Variants in ATP2C2 observed in about 807,000 individuals in gnomAD.
ATP2C2 encodes the protein calcium-transporting ATPase type 2C member 2.
ATP2C2 carries 171 observed loss-of-function variants against 110.8 expected under a neutral mutation model. The ratio of observed to expected loss-of-function variants is 1.54; its 90% CI spans 1.36 to 1.75. The LOEUF is 1.75. Among genes scored for constraint, ATP2C2 ranks in the 40% most tolerant of loss-of-function variants. The probability of loss-of-function intolerance (pLI) is 0.00; values close to 1 mark genes in which losing one functional copy is unlikely to be tolerated. For missense variants in ATP2C2, 1,963 were observed against 1,235.0 expected, an observed-to-expected ratio of 1.59 and a Z score of -8.84; for synonymous variants, 804 against 508.4, an observed-to-expected ratio of 1.58 and a Z score of -7.82.
intron 2 of ATP2C2, among the ~76,000 whole-genome samples, chr16:84,403,702 T>C (rs1905500727): frequency 2.0e-5 from 3 of 152,068 alleles, no homozygotes; most frequent in African/African-American, 7.2e-5. Flanking sequence ...TCTTTTTTTT[T>C]TTCTTGAGAT....
chr16:84,398,758 T>G (rs1340755293), intron 2 of ATP2C2, 149 bp downstream of exon 2: 1 of 633,830 alleles, frequency 1.6e-6, no homozygotes, highest in Non-Finnish European at 2.6e-6. Flanking sequence ...GTTGAATGGT[T>G]CAGATTCCAC....
chr16:84,414,077 C>T (rs1906623366), intron 6 of ATP2C2, among the ~76,000 whole-genome samples: 1 of 152,126 alleles, frequency 6.6e-6, no homozygotes, highest in South Asian at 2.1e-4. Flanking sequence ...AGGGTGAGGA[C>T]AACCCTAAAT....
chr16:84,439,867 G>C (rs1909085946), intron 13 of ATP2C2, among the ~76,000 whole-genome samples: 1 of 152,140 alleles, frequency 6.6e-6, no homozygotes, highest in South Asian at 2.1e-4. Flanking sequence ...ACAGAGTCTT[G>C]CTCCGTCACC....
At position 84,459,153 on chromosome 16, in the gene ATP2C2, CA is replaced by C. The variant is rs1466844602; in HGVS notation, c.2183del (p.Asn728ThrfsTer10). The C allele has an allele frequency of 3.1e-6, 5 of 1,614,028 alleles. No individual in the cohort carries two copies. The African/African-American group carries it at 5.3e-5, about 17-fold the overall frequency. On this transcript the variant is annotated frameshift_variant, in exon 22 of 27. Coordinates refer to ENST00000262429, the MANE Select transcript of ATP2C2 (RefSeq NM_014861.4). LOFTEE classifies it high-confidence loss of function. ...TGGAGGAAGGCAAGGGTATTTTTTA[CA>C]ACATCAAAAACTTTGTCCGATTCCA... ...AVEEGKGIFY[N>X]IKNFVRFQLS...
intron 17 of ATP2C2, among the ~76,000 whole-genome samples, chr16:84,449,400 C>T (rs989137076): frequency 2.6e-5 from 4 of 152,188 alleles, no homozygotes; most frequent in Non-Finnish European, 5.9e-5. Context: ...GAGCGTTCCC[C>T]AAAGCATTGG....
intron 11 of ATP2C2, chr16:84,438,912 A>G: frequency 2.5e-6 from 1 of 401,560 alleles, no homozygotes; most frequent in Non-Finnish European, 4.5e-6. Context: ...CAGCTGACAG[A>G]CTAATTCACA....
chr16:84,435,050 AT>A (rs1248361933), intron 11 of ATP2C2, among the ~76,000 whole-genome samples: 1 of 152,252 alleles, frequency 6.6e-6, no homozygotes, highest in African/African-American at 2.4e-5. Flanking sequence ...CTTGGTTTAT[AT>A]AACTTGTCCA....
intron 7 of ATP2C2, among the ~76,000 whole-genome samples, chr16:84,418,119 A>G (rs968953284): frequency 1.3e-5 from 2 of 152,180 alleles, no homozygotes; most frequent in Admixed American, 6.5e-5. Context: ...TACCATGTCT[A>G]AAAGAAAAAG....
chr16:84,397,268 TTG>T (rs562925772), intron 1 of ATP2C2, among the ~76,000 whole-genome samples: 85 of 151,834 alleles, frequency 5.6e-4, no homozygotes, highest in Non-Finnish European at 9.0e-4. Context: ...CAGAACTTGG[TTG>T]TGTTTCCCCT....
intron 1 of ATP2C2, among the ~76,000 whole-genome samples, chr16:84,387,610 C>G (rs914879073): frequency 3.9e-5 from 6 of 152,196 alleles, no homozygotes; most frequent in African/African-American, 1.4e-4. Context: ...ACTTAGAATA[C>G]TATAGAGCAA....
chr16:84,410,259 T>C (rs75169818), intron 4 of ATP2C2, among the ~76,000 whole-genome samples: 5,656 of 152,158 alleles, frequency 0.037, 357 homozygotes, highest in African/African-American at 0.13. Context: ...GAAGGGTGTT[T>C]GCAGCATGTT....
chr16:84,449,746 G>T (rs1401172932), intron 17 of ATP2C2, among the ~76,000 whole-genome samples: 1 of 152,218 alleles, frequency 6.6e-6, no homozygotes, highest in Non-Finnish European at 1.5e-5. Flanking sequence ...TGGCACGTGG[G>T]TGGCAGCTGC....
At chr16:84,437,788 T>C (rs751322784) in intron 11 of ATP2C2, among the ~76,000 whole-genome samples, 2 of 152,232 alleles carry the variant, frequency 1.3e-5, no homozygotes. Flanking sequence ...AGTGCTGGGA[T>C]TACAGGCGTG....
chr16:84,419,325 C>T (rs1907119892), intron 7 of ATP2C2, among the ~76,000 whole-genome samples: 1 of 151,426 alleles, frequency 6.6e-6, no homozygotes. Flanking sequence ...GCCTGCATTC[C>T]TTGGCTCATG....
chr16:84,388,451 G>C lies in ATP2C2; in HGVS notation c.100-10048G>C, dbSNP rs67286180. 8.4e-3 allele frequency among the ~76,000 whole-genome samples: 1,279 copies of C among 152,296 alleles called. 8 individuals carry two copies. Among genetic ancestry groups the C allele is most frequent in the Middle Eastern group, 0.017 (5 of 294 alleles). On this transcript the variant is annotated intron_variant, in intron 1 of 26. Transcript: ENST00000262429. ...TTCTGAGGTAGTAGGCCCAGGGTAG[G>C]GCCTGAGTTTCTGCATTTCTAACAA...
intron 1 of ATP2C2, among the ~76,000 whole-genome samples, chr16:84,379,003 C>T (rs1272840432): frequency 1.3e-5 from 2 of 151,986 alleles, no homozygotes; most frequent in African/African-American, 4.8e-5. Context: ...GCAGGGTACA[C>T]ATGCAGGATG....
chr16:84,404,926 A>C, intron 2 of ATP2C2: 1 of 686,048 alleles, frequency 1.5e-6, no homozygotes, highest in South Asian at 1.5e-5. Flanking sequence ...CTGTAATTAT[A>C]ATGGTCACTG....
chr16:84,463,478 C>T (rs1449540949), intron 26 of ATP2C2, 136 bp from the exon 27 acceptor site: 2 of 718,180 alleles, frequency 2.8e-6, no homozygotes, highest in Admixed American at 2.4e-5. Flanking sequence ...GAAGATCTCC[C>T]TGCCTTCAGG....
intron 6 of ATP2C2, among the ~76,000 whole-genome samples, chr16:84,414,019 A>C (rs1906617165): frequency 6.6e-6 from 1 of 152,196 alleles, no homozygotes; most frequent in Non-Finnish European, 1.5e-5. Context: ...ACTGGAGGCC[A>C]CCAAAACAAA....
Sources: allele counts gnomAD v4.1 joint callset (sites outside exome capture counted in the v4.1 genomes callset), GRCh38; gene constraint gnomAD v4.1.1; transcripts MANE v1.5; gene names NCBI Gene and HGNC (gene_info 2026-07-23, HGNC 2026-07-21).